CARMIL1: variants seen among roughly 807,000 people sequenced by gnomAD.
CARMIL1 encodes the protein F-actin-uncapping protein LRRC16A.
Under a neutral mutation model 177.1 loss-of-function variants are expected in CARMIL1, and 90 were observed. The observed-to-expected ratio is 0.51, with a 90% CI of 0.43 to 0.61. CARMIL1 has a LOEUF of 0.61. CARMIL1 is among the 20% of genes least tolerant of loss of function. The pLI, the probability that CARMIL1 is intolerant of heterozygous loss-of-function variation, is 0.00. For missense variants in CARMIL1, 1,380 were observed against 1,667.0 expected, an observed-to-expected ratio of 0.83 and a Z score of 3.00; for synonymous variants, 577 against 606.2, an observed-to-expected ratio of 0.95 and a Z score of 0.71.
At chr6:25,339,831 A>C (rs1786714830) in intron 2 of CARMIL1, among the ~76,000 whole-genome samples, 1 of 152,188 alleles carries the variant, frequency 6.6e-6, no homozygotes, top group African/African-American at 2.4e-5. Context: ...AACCTGTGCC[A>C]TTGGGGCCTT....
intron 2 of CARMIL1, among the ~76,000 whole-genome samples, chr6:25,384,135 G>A (rs1791905743): frequency 1.3e-5 from 2 of 152,298 alleles, no homozygotes; most frequent in Non-Finnish European, 2.9e-5. Flanking sequence ...CACCGCGCCC[G>A]GCTGGTTTTT....
chr6:25,515,713 G>A lies in CARMIL1; in HGVS notation c.1671G>A (p.Lys557=). Residue 557 remains lysine (K), a synonymous_variant, in exon 21 of 37, where the codon AAG becomes AAA. Transcript: ENST00000329474. This position sits in a 1 kb window ranked among gnomAD's most constrained non-coding sequence, Gnocchi z 5.0. ...QSLSLADSKL[K]TEVTIIINAL... is the part of the protein sequence containing the mutation. ...TGTCCCTGGCTGACTCGAAACTCAA[G>A]ACTGAGGTCACCATCATCATCAATG... is the stretch of plus-strand genomic sequence containing the variant. 1 of 1,609,178 alleles carries A rather than the reference G, an allele frequency of 6.2e-7. No homozygotes were observed. Among genetic ancestry groups the A allele is most frequent in the South Asian group, 1.1e-5 (1 of 89,476 alleles).
At chr6:25,560,055 A>C (rs1810970114) in intron 29 of CARMIL1, among the ~76,000 whole-genome samples, 1 of 152,230 alleles carries the variant, frequency 6.6e-6, no homozygotes, top group South Asian at 2.1e-4. Context: ...TCTTTGAAAG[A>C]AATTCATCAC....
intron 2 of CARMIL1, among the ~76,000 whole-genome samples, chr6:25,324,892 G>C (rs1386950602): frequency 1.3e-5 from 2 of 152,064 alleles, no homozygotes; most frequent in East Asian, 3.9e-4. Context: ...GTGGGTCAAG[G>C]AAGTGAACCC....
chr6:25,382,665 A>C (rs1791682233), intron 2 of CARMIL1, among the ~76,000 whole-genome samples: 1 of 152,062 alleles, frequency 6.6e-6, no homozygotes, highest in South Asian at 2.1e-4. Context: ...GCGTTTTTAC[A>C]GAGTGCTGAT....
chr6:25,301,761 C>A (rs1047847090), intron 2 of CARMIL1, among the ~76,000 whole-genome samples: 1 of 152,196 alleles, frequency 6.6e-6, no homozygotes, highest in Non-Finnish European at 1.5e-5. Flanking sequence ...CAGTTGAAGT[C>A]TGTATTACAG....
Position 25,465,930 on chromosome 6 carries a change from C to A in CARMIL1, c.672C>A (p.Ser224=), listed in dbSNP as rs747259717. The change falls in exon 9 of 37, where the codon TCC becomes TCA. Residue 224 remains serine, a synonymous_variant. Coordinates refer to ENST00000329474, the MANE Select transcript of CARMIL1 (RefSeq NM_017640.6). The part of the protein sequence containing the change: ...LEYNQWFTKL[S]SKDLKLSTDV... ...ATAATCAGTGGTTCACAAAACTGTC[C>A]TCTAAGGATCTAAAACTGGTAAGTA... is the stretch of plus-strand genomic sequence containing the variant. The A allele has an allele frequency of 3.1e-6, 5 of 1,609,734 alleles. No individual in the cohort carries two copies. The African/African-American group carries it at 5.3e-5, about 17-fold the overall frequency.
At chr6:25,437,246 G>T (rs1170563160) in intron 5 of CARMIL1, among the ~76,000 whole-genome samples, 2 of 152,266 alleles carry the variant, frequency 1.3e-5, no homozygotes, top group African/African-American at 4.8e-5. Flanking sequence ...GCCTTACTTG[G>T]CAAGAGCTTA....
At chr6:25,450,277 A>T in intron 6 of CARMIL1, 62 bp from the exon 7 acceptor site, 1 of 1,226,828 alleles carries the variant, frequency 8.2e-7, no homozygotes, top group Non-Finnish European at 1.2e-6. Context: ...TTTAAGCTTT[A>T]AAATTTTAAT....
At position 25,606,223 on chromosome 6, in the gene CARMIL1, T is replaced by C. The variant is rs763894236; in HGVS notation, c.3797T>C (p.Leu1266Pro). ...KPLLQSPKPS[L>P]AARPVIPQKP... ...CTCCTGCAGTCCCCCAAACCCAGTC[T>C]GGCAGCACGGCCCGTCATCCCGCAG... Residue 1266 changes from leucine to proline, a missense_variant, in exon 35 of 37, where the codon CTG becomes CCG. Transcript: ENST00000329474. 2 of 1,613,880 alleles carry C rather than the reference T, an allele frequency of 1.2e-6. No individual in the cohort carries two copies. The highest frequency in any genetic ancestry group is 1.7e-6 in the Non-Finnish European group (2 of 1,179,860).
At chr6:25,441,335 A>ATGTGTGTGTG (rs1348225958) in intron 5 of CARMIL1, among the ~76,000 whole-genome samples, 236 of 66,834 alleles carry the variant, frequency 3.5e-3, no homozygotes, top group South Asian at 0.013. Flanking sequence ...ATATATATAT[A>ATGTGTGTGTG]TATGTGTGTG....
intron 26 of CARMIL1, among the ~76,000 whole-genome samples, chr6:25,547,630 G>A (rs1450619451): frequency 6.6e-6 from 1 of 152,132 alleles, no homozygotes; most frequent in Non-Finnish European, 1.5e-5. Context: ...AGGCCCTGGG[G>A]ATGTAAGATG....
chr6:25,467,006 ATTC>A (rs1162121922), intron 9 of CARMIL1, among the ~76,000 whole-genome samples: 1 of 152,208 alleles, frequency 6.6e-6, no homozygotes, highest in Non-Finnish European at 1.5e-5. Flanking sequence ...ACCATTTCTT[ATTC>A]ATCTCTACCC....
intron 2 of CARMIL1, among the ~76,000 whole-genome samples, chr6:25,338,205 C>G (rs1360614780): frequency 1.3e-5 from 2 of 151,176 alleles, no homozygotes; most frequent in African/African-American, 4.9e-5. Flanking sequence ...TACAGTGAGC[C>G]GAGATTGCAC....
Position 25,510,714 on chromosome 6 carries a change from G to A in CARMIL1, c.1584G>A (p.Leu528=). 1 of 1,548,708 alleles carries A rather than the reference G, an allele frequency of 6.5e-7. No individual in the cohort carries two copies. The highest frequency in any genetic ancestry group is 1.7e-4 in the Middle Eastern group (1 of 5,970). The change falls in exon 20 of 37, where the codon CTG becomes CTA. Residue 528 remains leucine, a synonymous_variant. Coordinates refer to ENST00000329474, the MANE Select transcript of CARMIL1 (RefSeq NM_017640.6). ...KNFNNMKSKN[L]TPVLDNLVQM... ...ATCTCTAAAATCTCTTTAGAAATCT[G>A]ACACCTGTATTGGACAACTTAGTAC...
chr6:25,604,415 C>A (rs777919992), intron 33 of CARMIL1, among the ~76,000 whole-genome samples: 1 of 152,130 alleles, frequency 6.6e-6, no homozygotes, highest in Non-Finnish European at 1.5e-5. Flanking sequence ...AAACCTAGAG[C>A]AGATTCTGTA....
chr6:25,540,118 A>G (rs1483752758), intron 26 of CARMIL1, 40 bp downstream of exon 26: 1 of 1,548,000 alleles, frequency 6.5e-7, no homozygotes. Context: ...AATTGTTAAT[A>G]TTTAACTACG....
chr6:25,593,159 A>G (rs1412888886), intron 31 of CARMIL1, among the ~76,000 whole-genome samples: 1 of 152,048 alleles, frequency 6.6e-6, no homozygotes, highest in Non-Finnish European at 1.5e-5. Flanking sequence ...GTCCCCATTT[A>G]CCTGGCCTAG....
chr6:25,451,986 G>GGGGGGGGGCGCGGGGGCCC, intron 8 of CARMIL1: 1 of 112,672 alleles, frequency 8.9e-6, no homozygotes, highest in Admixed American at 1.1e-4. Flanking sequence ...CTAGCATCTT[G>GGGGGGGGGCGCGGGGGCCC]CCCCCCCCTC....
Sources: gnomAD v4.1 joint callset for allele counts (sites outside exome capture counted in the v4.1 genomes callset) on GRCh38, gnomAD v4.1.1 for gene constraint, Gnocchi (gnomAD v3.1) non-coding constraint, MANE v1.5 for transcripts, NCBI Gene and HGNC (gene_info 2026-07-23, HGNC 2026-07-21) for gene names.